Variants in TBPL2 observed in about 807,000 individuals in gnomAD.
TBPL2 encodes TATA box-binding protein-like 2.
TBPL2 carries 40 observed loss-of-function variants against 38.2 expected under a neutral mutation model. The ratio of observed to expected loss-of-function variants is 1.05; its 90% confidence interval spans 0.81 to 1.36. The LOEUF (loss-of-function observed/expected upper bound fraction) is 1.36. TBPL2 is among the 40% of genes most tolerant of loss of function. The pLI is 0.00. For missense variants in TBPL2, 461 were observed against 456.7 expected, an observed-to-expected ratio of 1.01 and a Z score of -0.09; for synonymous variants, 169 against 171.7, an observed-to-expected ratio of 0.98 and a Z score of 0.12.
chr14:55,424,989 T>C (rs1484772621), intron 5 of TBPL2, among the ~76,000 whole-genome samples: 3 of 152,068 alleles, frequency 2.0e-5, no homozygotes, highest in South Asian at 2.1e-4. Flanking sequence ...CAGTGGCTAA[T>C]GGACAAGAAA....
rs1328909854 is a variant in TBPL2, at chr14:55,432,452, AC to A, written c.788+1177del. On this transcript the variant is annotated intron_variant, in intron 4 of 6. Transcript: ENST00000247219. ...AACAAATAAACAAACAACAAAAAAA[AC>A]ACCATAAAATACCATAAACAGTAAT... 1.9e-4 allele frequency among the ~76,000 whole-genome samples: 29 copies of A among 151,992 alleles called. No homozygotes were observed. The East Asian group carries it at 3.5e-3, about 18-fold the overall frequency.
chr14:55,424,249 C>T (rs912768584), exon 6 of TBPL2: 3 of 1,607,866 alleles, frequency 1.9e-6, no homozygotes, highest in East Asian at 2.2e-5. Flanking sequence ...AGTTCAGGCT[C>T]GTAACTGTTA....
At chr14:55,421,346 T>C (rs1885742020) in intron 6 of TBPL2, among the ~76,000 whole-genome samples, 1 of 152,166 alleles carries the variant, frequency 6.6e-6, no homozygotes, top group African/African-American at 2.4e-5. Context: ...GAGGTAAACT[T>C]TATGTCAGTC....
chr14:55,428,072 G>A (rs1885857457), intron 5 of TBPL2, among the ~76,000 whole-genome samples: 1 of 137,258 alleles, frequency 7.3e-6, no homozygotes, highest in African/African-American at 2.7e-5. Flanking sequence ...CCCCTCACCA[G>A]CTGTCAAGCC....
At chr14:55,436,746 G>T in exon 2 of TBPL2, 1 of 1,614,164 alleles carries the variant, frequency 6.2e-7, no homozygotes, top group South Asian at 1.1e-5. Flanking sequence ...CCAGCCCAAC[G>T]TCCTGTTCGC....
intron 1 of TBPL2, 151 bp from the exon 2 acceptor site, chr14:55,437,169 G>A: frequency 2.9e-6 from 2 of 685,144 alleles, no homozygotes; most frequent in Non-Finnish European, 4.9e-6. Context: ...CTTTTTTCTA[G>A]AAAATGCCAT....
intron 5 of TBPL2, among the ~76,000 whole-genome samples, chr14:55,425,896 C>G (rs77647699): frequency 3.3e-5 from 5 of 152,178 alleles, no homozygotes; most frequent in African/African-American, 1.2e-4. Context: ...CCATTATCAT[C>G]CTAGCATCTG....
chr14:55,430,237 C>G (rs930482111), intron 4 of TBPL2, among the ~76,000 whole-genome samples: 2 of 151,984 alleles, frequency 1.3e-5, no homozygotes, highest in African/African-American at 4.8e-5. Context: ...GGCTGTAAAT[C>G]AGAAACACCT....
intron 6 of TBPL2, among the ~76,000 whole-genome samples, chr14:55,418,013 G>A (rs1049690752): frequency 6.6e-6 from 1 of 152,194 alleles, no homozygotes; most frequent in African/African-American, 2.4e-5. Flanking sequence ...TGTGATAAAG[G>A]ATGTGAGCTA....
chr14:55,415,184 A>AGTGTCCTGAT (rs1261728776), intron 6 of TBPL2, among the ~76,000 whole-genome samples: 8 of 152,226 alleles, frequency 5.3e-5, no homozygotes, highest in Non-Finnish European at 1.2e-4. Flanking sequence ...ACTTATATTT[A>AGTGTCCTGAT]TATGGAGCTT....
At chr14:55,418,752 TG>T (rs1235606013) in intron 6 of TBPL2, among the ~76,000 whole-genome samples, 2 of 152,194 alleles carry the variant, frequency 1.3e-5, no homozygotes, top group African/African-American at 4.8e-5. Flanking sequence ...GAAGCATCTT[TG>T]TCTTCATATT....
intron 5 of TBPL2, among the ~76,000 whole-genome samples, chr14:55,426,223 A>G (rs1885819623): frequency 6.6e-6 from 1 of 151,668 alleles, no homozygotes; most frequent in South Asian, 2.1e-4. Flanking sequence ...AGCTGAAATC[A>G]TGCCACTTCA....
intron 5 of TBPL2, among the ~76,000 whole-genome samples, chr14:55,428,428 G>A (rs766832607): frequency 3.3e-5 from 5 of 152,078 alleles, no homozygotes; most frequent in Non-Finnish European, 7.3e-5. Flanking sequence ...GCCAAGCTAC[G>A]TTTGTATGCT....
chr14:55,421,857 A>G (rs1386091506), intron 6 of TBPL2, among the ~76,000 whole-genome samples: 1 of 152,244 alleles, frequency 6.6e-6, no homozygotes, highest in Non-Finnish European at 1.5e-5. Context: ...CAGACATGTC[A>G]TTTTGCTGGA....
At chr14:55,431,342 G>A (rs868012679) in intron 4 of TBPL2, among the ~76,000 whole-genome samples, 21 of 152,188 alleles carry the variant, frequency 1.4e-4, no homozygotes, top group African/African-American at 5.1e-4. Context: ...ATGAATGTGT[G>A]TAATATGTGT....
rs1479185069 is a variant in TBPL2, at chr14:55,429,065, G to T, written c.789-91C>A. The T allele has an allele frequency of 6.8e-6, 10 of 1,473,498 alleles. No individual in the cohort carries two copies. The South Asian group carries it at 1.1e-4, about 17-fold the overall frequency. The allele number at this position is 1,473,498 out of a possible 1,614,324, so 91.3% of individuals were successfully genotyped here. A position where few individuals can be genotyped will look rare whatever the true frequency, so the allele number is the denominator to read the frequency against. On this transcript the variant is annotated intron_variant, in intron 4 of 6. Transcript: ENST00000247219. ...ATTGGATTGTTACCATTTGTACCAC[G>T]TTTATCTTTCAATGTATACTATGAA...
At chr14:55,439,659 G>C (rs920274610) in intron 1 of TBPL2, among the ~76,000 whole-genome samples, 1 of 140,388 alleles carries the variant, frequency 7.1e-6, no homozygotes, top group African/African-American at 2.7e-5. Context: ...AGCCGGGCAT[G>C]GTGGCTCACG....
Position 55,424,250 on chromosome 14 carries a change from G to A in TBPL2, c.960C>T (p.Tyr320=), listed in dbSNP as rs765904853. Residue 320 remains tyrosine, a synonymous_variant, in exon 6 of 7, where the codon TAC becomes TAT. Coordinates refer to ENST00000247219, the Ensembl canonical transcript of TBPL2. ...TAAGACCAGGAAACAGTTCAGGCTCGTAACTGTTAAGATGTAAAAGGAAAA... is the reference window on the plus strand; with the variant it reads ...TAAGACCAGGAAACAGTTCAGGCTCATAACTGTTAAGATGTAAAAGGAAAA... The A allele has an allele frequency of 2.2e-5, 35 of 1,604,886 alleles. No homozygotes were observed. The East Asian group carries it at 2.5e-4, about 11-fold the overall frequency.
At chr14:55,433,673 G>C in exon 4 of TBPL2, 1 of 1,614,002 alleles carries the variant, frequency 6.2e-7, no homozygotes, top group Non-Finnish European at 8.5e-7. Context: ...CTAAATATAA[G>C]GGCTGTTGTC....
Sources: allele counts gnomAD v4.1 joint callset (sites outside exome capture counted in the v4.1 genomes callset), GRCh38; gene constraint gnomAD v4.1.1; transcripts MANE v1.5; gene names NCBI Gene and HGNC (gene_info 2026-07-23, HGNC 2026-07-21).